The following PHF2 variants were observed in gnomAD, a reference collection of about 807,000 sequenced individuals.
PHF2 encodes the protein lysine-specific demethylase PHF2.
PHF2 carries 27 observed loss-of-function variants against 120.5 expected under a neutral mutation model. The observed-to-expected ratio is 0.22, with a 90% CI of 0.17 to 0.31. The LOEUF is 0.31. PHF2 is among the 10% of genes least tolerant of loss of function. PHF2 has a pLI of 1.00. For synonymous variants in PHF2, 568 were observed against 592.5 expected (o/e 0.96, Z 0.60); for missense variants, 1,024 against 1,434.8 (o/e 0.71, Z 4.63).
intron 1 of PHF2, among the ~76,000 whole-genome samples, chr9:93,621,740 T>C (rs2001368): frequency 0.85 from 128,974 of 152,008 alleles, 55,461 homozygotes; most frequent in East Asian, 1. Context: ...AGGCTTGTGC[T>C]GTCTGCCCCC....
chr9:93,643,089 TTGAC>T (rs1439546650), intron 3 of PHF2, among the ~76,000 whole-genome samples: 1 of 152,210 alleles, frequency 6.6e-6, no homozygotes, highest in East Asian at 1.9e-4. Context: ...GGTGTGTCTA[TTGAC>T]TGACCCTCTT....
At chr9:93,598,403 T>C (rs183817542) in intron 1 of PHF2, among the ~76,000 whole-genome samples, 4 of 152,296 alleles carry the variant, frequency 2.6e-5, no homozygotes, top group South Asian at 4.1e-4. Context: ...AGAGGGACAT[T>C]GGGTGTTTGT....
intron 5 of PHF2, among the ~76,000 whole-genome samples, chr9:93,652,115 TCTTGTCCGGGGACAA>T (rs1307742956): frequency 6.6e-6 from 1 of 152,016 alleles, no homozygotes; most frequent in Admixed American, 6.5e-5. Context: ...TTTGTGACAG[TCTTGTCCGGGGACAA>T]CTTGTCTAGG....
intron 3 of PHF2, among the ~76,000 whole-genome samples, chr9:93,643,812 C>T (rs188992371): frequency 6.6e-6 from 1 of 152,284 alleles, no homozygotes; most frequent in East Asian, 1.9e-4. Flanking sequence ...AGCTCCTGCC[C>T]CTCCACCGTG....
chr9:93,648,348 G>A (rs1826298147), intron 4 of PHF2, among the ~76,000 whole-genome samples: 2 of 152,222 alleles, frequency 1.3e-5, no homozygotes, highest in South Asian at 2.1e-4. Context: ...GACTCCCTCT[G>A]GGTGGGAGTG....
intron 1 of PHF2, among the ~76,000 whole-genome samples, chr9:93,627,225 A>C (rs555886858): frequency 2.5e-4 from 38 of 152,280 alleles, no homozygotes; most frequent in African/African-American, 7.9e-4. Context: ...TTATTCCTAC[A>C]TATTAATATT....
intron 1 of PHF2, among the ~76,000 whole-genome samples, chr9:93,593,084 C>CAAAAAAAAAAA (rs200919035): frequency 3.5e-4 from 29 of 83,370 alleles, no homozygotes; most frequent in Non-Finnish European, 4.0e-4. Flanking sequence ...TCCTTTATGC[C>CAAAAAAAAAAA]AAAAAAAAAA....
intron 1 of PHF2, among the ~76,000 whole-genome samples, chr9:93,618,774 GTGTT>G (rs1825768918): frequency 7.5e-6 from 1 of 133,048 alleles, no homozygotes; most frequent in Admixed American, 7.5e-5. Flanking sequence ...GTGTCTGCAT[GTGTT>G]TGTGTTTGTA....
intron 19 of PHF2, 73 bp downstream of exon 19, chr9:93,675,095 C>G (rs756113852): frequency 3.2e-4 from 392 of 1,226,480 alleles, no homozygotes; most frequent in Non-Finnish European, 4.3e-4. Context: ...TGTGGTCCCT[C>G]CAGCCCCTGA....
chr9:93,600,958 A>G (rs1439962208), intron 1 of PHF2, among the ~76,000 whole-genome samples: 1 of 152,214 alleles, frequency 6.6e-6, no homozygotes, highest in Non-Finnish European at 1.5e-5. Flanking sequence ...TTAAGTTTGT[A>G]TTTCTGGATT....
intron 17 of PHF2, among the ~76,000 whole-genome samples, chr9:93,672,036 G>A (rs1826805134): frequency 6.8e-6 from 1 of 147,376 alleles, no homozygotes; most frequent in African/African-American, 2.5e-5. Flanking sequence ...GTAGGCACAG[G>A]TGTAGATGCA....
At position 93,675,704 on chromosome 9, in the gene PHF2, G is replaced by A; in HGVS notation, c.2747G>A (p.Arg916Lys). The A allele has an allele frequency of 6.2e-7, 1 of 1,613,074 alleles. No individual in the cohort carries two copies. Among genetic ancestry groups the A allele is most frequent in the Non-Finnish European group, 8.5e-7 (1 of 1,179,702 alleles). Residue 916 changes from arginine to lysine, a missense_variant, in exon 20 of 22, where the codon AGA becomes AAA. This residue lies in a region of PHF2 where 677 missense variants were observed against 857.4 expected (regional missense o/e 0.79). Coordinates refer to ENST00000359246, the MANE Select transcript of PHF2 (RefSeq NM_005392.4). ...PTARVGPSVP[R>K]QDRPVREGTR... is the part of the protein sequence containing the mutation. Reference sequence around the variant, plus strand: ...GCAAGGGTCGGCCCATCGGTGCCAAGACAGGACAGGCCTGTGCGTGAGGGT... The same window carrying A: ...GCAAGGGTCGGCCCATCGGTGCCAAAACAGGACAGGCCTGTGCGTGAGGGT...
At chr9:93,612,705 T>C (rs1825657324) in intron 1 of PHF2, among the ~76,000 whole-genome samples, 1 of 152,200 alleles carries the variant, frequency 6.6e-6, no homozygotes. Flanking sequence ...TTATTTTGAG[T>C]CTTGATGTTT....
chr9:93,597,502 C>T (rs1048354867), intron 1 of PHF2, among the ~76,000 whole-genome samples: 4 of 151,834 alleles, frequency 2.6e-5, no homozygotes, highest in African/African-American at 9.7e-5. Context: ...AGTGTAGGGC[C>T]CTGGAATCAG....
chr9:93,589,452 C>T (rs370312129), intron 1 of PHF2, among the ~76,000 whole-genome samples: 14 of 152,134 alleles, frequency 9.2e-5, no homozygotes, highest in African/African-American at 3.4e-4. Flanking sequence ...TTGCCGCTTG[C>T]CCCACGCCCA....
intron 17 of PHF2, chr9:93,672,809 T>C (rs541336219): frequency 1.1e-6 from 1 of 908,490 alleles, no homozygotes; most frequent in East Asian, 1.7e-4. Context: ...TGTAGATGCA[T>C]GTATGGGTGT....
At chr9:93,641,334 C>T (rs1397450655) in intron 3 of PHF2, among the ~76,000 whole-genome samples, 1 of 152,208 alleles carries the variant, frequency 6.6e-6, no homozygotes. Flanking sequence ...AACTGATCTA[C>T]ACTTAACTTT....
At chr9:93,604,357 C>A (rs1170325286) in intron 1 of PHF2, among the ~76,000 whole-genome samples, 1 of 147,840 alleles carries the variant, frequency 6.8e-6, no homozygotes, top group Non-Finnish European at 1.5e-5. Flanking sequence ...TTTTTTGAGA[C>A]GGAGAGCAAG....
intron 4 of PHF2, among the ~76,000 whole-genome samples, chr9:93,647,338 C>T (rs879715272): frequency 8.5e-5 from 13 of 152,202 alleles, no homozygotes; most frequent in Non-Finnish European, 1.3e-4. Context: ...CCTAATCATG[C>T]GGGTGGGGCC....
Sources: gnomAD v4.1 joint callset for allele counts (sites outside exome capture counted in the v4.1 genomes callset) on GRCh38, gnomAD v4.1.1 for gene constraint, gnomAD v4.1.1 regional missense constraint, MANE v1.5 for transcripts, NCBI Gene and HGNC (gene_info 2026-07-23, HGNC 2026-07-21) for gene names.